The following CEP112 variants were observed in gnomAD, a reference collection of about 807,000 sequenced individuals.
CEP112 encodes the protein centrosomal protein of 112 kDa.
In CEP112, 127 loss-of-function variants were observed where a neutral mutation model predicts 153.0. The observed-to-expected ratio is 0.83, with a 90% CI of 0.72 to 0.96. CEP112 has a LOEUF of 0.96. Among genes scored for constraint, CEP112 ranks in the 40% least tolerant of loss-of-function variants. The pLI, the probability that CEP112 is intolerant of heterozygous loss-of-function variation, is 0.00. For synonymous variants in CEP112, 358 were observed against 374.4 expected (o/e 0.96, Z 0.51); for missense variants, 1,089 against 1,101.2 (o/e 0.99, Z 0.16).
intron 20 of CEP112, among the ~76,000 whole-genome samples, chr17:65,862,879 T>G (rs1296550292): frequency 6.6e-6 from 1 of 152,168 alleles, no homozygotes; most frequent in African/African-American, 2.4e-5. Context: ...TTGCTTTTTT[T>G]GTGAATATTT....
chr17:65,715,759 T>G (rs759596068), intron 23 of CEP112, among the ~76,000 whole-genome samples: 8 of 152,072 alleles, frequency 5.3e-5, no homozygotes, highest in Non-Finnish European at 7.4e-5. Flanking sequence ...CCAAGAAATT[T>G]TAAGTGTAGT....
At chr17:66,085,440 G>T (rs1256608960) in intron 8 of CEP112, among the ~76,000 whole-genome samples, 1 of 152,042 alleles carries the variant, frequency 6.6e-6, no homozygotes, top group Non-Finnish European at 1.5e-5. Context: ...CTGTGACTGA[G>T]CCATTCCATT....
At chr17:65,903,468 T>C (rs568407336) in intron 19 of CEP112, among the ~76,000 whole-genome samples, 11 of 152,170 alleles carry the variant, frequency 7.2e-5, no homozygotes, top group Non-Finnish European at 1.2e-4. Flanking sequence ...TTATGACAAG[T>C]CAAGAATCAA....
At position 65,883,260 on chromosome 17, in the gene CEP112, T is replaced by TTA. The variant is rs1378813419; in HGVS notation, c.2163+18890_2163+18891dup. On this transcript the variant is annotated intron_variant, in intron 20 of 26. Coordinates refer to ENST00000535342, the MANE Select transcript of CEP112 (RefSeq NM_001199165.4). ...GGTATTGCAGCTCATGCTAAGAAGT[T>TTA]TACATATATATATATATATATGAAG... Among the ~76,000 whole-genome samples, 10 of 122,242 alleles carry TTA rather than the reference T, an allele frequency of 8.2e-5. 1 individual carries two copies. The highest frequency in any genetic ancestry group is 5.5e-4 in the Admixed American group (7 of 12,732). 80.2% of individuals were successfully genotyped at this position (122,242 alleles called of 152,430 possible).
At chr17:66,164,409 T>C (rs963181762) in intron 4 of CEP112, among the ~76,000 whole-genome samples, 5 of 151,610 alleles carry the variant, frequency 3.3e-5, no homozygotes, top group African/African-American at 1.2e-4. Flanking sequence ...AATACAAAAA[T>C]TAGCCAGGCG....
At chr17:66,026,532 T>C (rs1478063375) in intron 16 of CEP112, among the ~76,000 whole-genome samples, 2 of 152,200 alleles carry the variant, frequency 1.3e-5, no homozygotes, top group Non-Finnish European at 2.9e-5. Context: ...ATCCCATTGA[T>C]TGTGTAGTTT....
chr17:65,986,817 A>G (rs989613493), intron 17 of CEP112, among the ~76,000 whole-genome samples: 1 of 152,196 alleles, frequency 6.6e-6, no homozygotes, highest in Admixed American at 6.5e-5. Flanking sequence ...TATCCACCTG[A>G]AAATCTTCAA....
intron 18 of CEP112, among the ~76,000 whole-genome samples, chr17:65,929,495 A>G (rs2061047130): frequency 6.6e-6 from 1 of 152,160 alleles, no homozygotes; most frequent in African/African-American, 2.4e-5. Context: ...GACCTTCTAG[A>G]CCACTCAATT....
chr17:65,800,424 T>C (rs1379722716), intron 21 of CEP112, among the ~76,000 whole-genome samples: 4 of 152,234 alleles, frequency 2.6e-5, no homozygotes, highest in South Asian at 2.1e-4. Flanking sequence ...ATCTGTGTCA[T>C]AGTATGTATC....
chr17:65,645,378 G>A (rs1457984344), intron 24 of CEP112, among the ~76,000 whole-genome samples: 2 of 151,926 alleles, frequency 1.3e-5, no homozygotes, highest in African/African-American at 2.4e-5. Flanking sequence ...TCTTCTTATC[G>A]TTTTATATCT....
chr17:65,971,246 A>G, intron 17 of CEP112, among the ~76,000 whole-genome samples: 1 of 152,338 alleles, frequency 6.6e-6, no homozygotes, highest in South Asian at 2.1e-4. Flanking sequence ...CAAAACATGC[A>G]CATCAAATGC....
At chr17:65,720,538 G>C (rs1227300596) in intron 23 of CEP112, among the ~76,000 whole-genome samples, 1 of 152,188 alleles carries the variant, frequency 6.6e-6, no homozygotes, top group African/African-American at 2.4e-5. Context: ...GGTAAAGACA[G>C]AGGCAGCAAG....
chr17:65,963,840 CT>C (rs2062312517), intron 17 of CEP112, among the ~76,000 whole-genome samples: 1 of 152,152 alleles, frequency 6.6e-6, no homozygotes, highest in Admixed American at 6.5e-5. Context: ...GTCTATTTAT[CT>C]TTTCATATCC....
intron 21 of CEP112, among the ~76,000 whole-genome samples, chr17:65,779,396 G>C (rs773024409): frequency 1.3e-5 from 2 of 152,168 alleles, no homozygotes; most frequent in Non-Finnish European, 2.9e-5. Flanking sequence ...TATCTACTAA[G>C]TGTCAGGTAT....
chr17:66,132,729 A>G lies in CEP112; in HGVS notation c.505T>C (p.Ser169Pro), dbSNP rs1208189720. 6.2e-7 allele frequency: 1 copy of G among 1,614,016 alleles called. No individual in the cohort carries two copies. Among genetic ancestry groups the G allele is most frequent in the Non-Finnish European group, 8.5e-7 (1 of 1,179,866 alleles). Residue 169 changes from serine to proline, a missense_variant, in exon 5 of 27, where the codon TCA becomes CCA. Physicochemically the swap from Ser to Pro is moderately conservative, Grantham distance 74. Transcript: ENST00000535342. ...CTGTGAGTTGGACTCAAGGAGTGTG[A>G]TCTCACTCGGAGCTTCCCAGTGTAC... is the stretch of plus-strand genomic sequence containing the variant. ...EQYTGKLRVR[S>P]HSLSPTHRED...
At chr17:65,692,792 C>T (rs1376353955) in intron 23 of CEP112, among the ~76,000 whole-genome samples, 1 of 152,142 alleles carries the variant, frequency 6.6e-6, no homozygotes, top group African/African-American at 2.4e-5. Flanking sequence ...CTCCTCTCTT[C>T]ATCTCTGCAA....
rs567746755 is a variant in CEP112, at chr17:66,190,974, G to A, written c.-9+1023C>T. The stretch of plus-strand genomic sequence containing the variant: ...TGGGTCATTAAAGAAAACTGGAAAC[G>A]TCGACAAATTAAAAAGGATTAGAGG... On this transcript the variant is annotated intron_variant, in intron 1 of 26. Transcript: ENST00000535342. Among the ~76,000 whole-genome samples, 3 of 152,250 alleles carry A rather than the reference G, an allele frequency of 2.0e-5. No homozygotes were observed. The South Asian group carries it at 6.2e-4, about 32-fold the overall frequency.
intron 21 of CEP112, among the ~76,000 whole-genome samples, chr17:65,844,772 T>A (rs994066071): frequency 6.6e-6 from 1 of 151,998 alleles, no homozygotes; most frequent in African/African-American, 2.4e-5. Flanking sequence ...TCACAGCACT[T>A]TGGGAGGTCG....
chr17:65,906,694 G>A (rs954154544), intron 19 of CEP112, among the ~76,000 whole-genome samples: 4 of 151,992 alleles, frequency 2.6e-5, no homozygotes, highest in South Asian at 2.1e-4. Context: ...ATACTATACC[G>A]AGTAAGAAAG....
Sources: allele counts gnomAD v4.1 joint callset (sites outside exome capture counted in the v4.1 genomes callset), GRCh38; gene constraint gnomAD v4.1.1; transcripts MANE v1.5; gene names NCBI Gene and HGNC (gene_info 2026-07-23, HGNC 2026-07-21).